NBEA: variants seen among roughly 807,000 people sequenced by gnomAD.
NBEA encodes the protein lysosomal-trafficking regulator 2.
In NBEA, 44 loss-of-function variants were observed where a neutral mutation model predicts 343.4. The observed-to-expected ratio is 0.13, with a 90% CI of 0.10 to 0.16. The LOEUF (loss-of-function observed/expected upper bound fraction) is 0.16. Ranked by LOEUF, NBEA falls within the 10% of genes least tolerant of loss-of-function variation. The pLI, the probability that NBEA is intolerant of heterozygous loss-of-function variation, is 1.00. For synonymous variants in NBEA, 1,175 were observed against 1,238.7 expected, an observed-to-expected ratio of 0.95 and a Z score of 1.08; for missense variants, 2,555 against 3,631.3, an observed-to-expected ratio of 0.70 and a Z score of 7.62.
intron 38 of NBEA, among the ~76,000 whole-genome samples, chr13:35,429,642 G>T (rs1210154747): frequency 9.2e-5 from 14 of 152,002 alleles, no homozygotes; most frequent in Admixed American, 8.5e-4. Context: ...ATTTTAATAG[G>T]TTTCTGGGGA....
At chr13:35,647,489 C>T (rs2084293259) in intron 51 of NBEA, among the ~76,000 whole-genome samples, 1 of 152,226 alleles carries the variant, frequency 6.6e-6, no homozygotes, top group African/African-American at 2.4e-5. Flanking sequence ...TGATGCTAAG[C>T]ACTGGAGATA....
intron 40 of NBEA, among the ~76,000 whole-genome samples, chr13:35,471,650 C>G (rs1387401410): frequency 6.6e-6 from 1 of 152,210 alleles, no homozygotes; most frequent in Non-Finnish European, 1.5e-5. Flanking sequence ...AGCACCCTGG[C>G]AGGCACTTCT....
intron 18 of NBEA, among the ~76,000 whole-genome samples, chr13:35,155,236 A>G (rs1018997126): frequency 2.0e-5 from 3 of 151,424 alleles, no homozygotes; most frequent in East Asian, 3.9e-4. Flanking sequence ...CTTTCCTTCT[A>G]TAGATACTGG....
rs776894755 is a variant in NBEA, at chr13:35,555,109, T to A, written c.6922+7T>A. ...TTCCTTAATACTATTGCAGGTAAGA[T>A]GTCTCATTCTTTAATCTAATAATAT... On this transcript the variant is annotated splice_region_variant and intron_variant, in intron 44 of 58. Coordinates refer to ENST00000379939, the MANE Select transcript of NBEA (RefSeq NM_001385012.1). The A allele has an allele frequency of 7.0e-7, 1 of 1,430,922 alleles. No homozygotes were observed. Among genetic ancestry groups the A allele is most frequent in the Admixed American group, 1.7e-5 (1 of 57,880 alleles). The allele number at this position is 1,430,922 out of a possible 1,614,324, so 88.6% of individuals were successfully genotyped here. A position where few individuals can be genotyped will look rare whatever the true frequency, so the allele number is the denominator to read the frequency against.
intron 1 of NBEA, among the ~76,000 whole-genome samples, chr13:34,956,751 A>G (rs547329894): frequency 1.3e-5 from 2 of 152,268 alleles, no homozygotes; most frequent in Non-Finnish European, 2.9e-5. Flanking sequence ...TAAAGTTTAC[A>G]GTTTGGTGGC....
intron 38 of NBEA, among the ~76,000 whole-genome samples, chr13:35,389,872 A>T (rs1165811047): frequency 6.6e-6 from 1 of 151,084 alleles, no homozygotes; most frequent in Non-Finnish European, 1.5e-5. Context: ...ATTCTCTCTT[A>T]GTTCCCTCAC....
chr13:35,421,893 C>A (rs1212933966), intron 38 of NBEA, among the ~76,000 whole-genome samples: 1 of 152,086 alleles, frequency 6.6e-6, no homozygotes, highest in Non-Finnish European at 1.5e-5. Context: ...TTCTGTTTTA[C>A]TTCTGCAGAT....
chr13:34,980,195 T>TTTG (rs551254092), intron 1 of NBEA, among the ~76,000 whole-genome samples: 19 of 152,098 alleles, frequency 1.2e-4, no homozygotes, highest in Admixed American at 3.9e-4. Flanking sequence ...AGCTGTTTTT[T>TTTG]TTGTTGTTGT....
intron 33 of NBEA, among the ~76,000 whole-genome samples, chr13:35,217,056 A>AT (rs1396502885): frequency 2.0e-5 from 3 of 151,934 alleles, no homozygotes; most frequent in East Asian, 1.9e-4. Context: ...TGTTACCAGC[A>AT]TTTTTTTAAG....
At chr13:34,982,214 G>A (rs969557906) in intron 1 of NBEA, among the ~76,000 whole-genome samples, 1 of 151,920 alleles carries the variant, frequency 6.6e-6, no homozygotes, top group Non-Finnish European at 1.5e-5. Context: ...CACTGCTTTA[G>A]CTCATTTTAC....
At chr13:35,263,746 A>G (rs1374108773) in intron 34 of NBEA, among the ~76,000 whole-genome samples, 4 of 152,074 alleles carry the variant, frequency 2.6e-5, no homozygotes, top group African/African-American at 9.7e-5. Flanking sequence ...AATGGAAACA[A>G]CATACCAACA....
chr13:35,471,116 G>T (rs761539198), intron 40 of NBEA, among the ~76,000 whole-genome samples: 1 of 152,198 alleles, frequency 6.6e-6, no homozygotes, highest in East Asian at 1.9e-4. Flanking sequence ...CACTGTCACA[G>T]TTTGCTCCTT....
chr13:35,268,751 G>C (rs536115429), intron 34 of NBEA, among the ~76,000 whole-genome samples: 1 of 151,850 alleles, frequency 6.6e-6, no homozygotes, highest in Admixed American at 6.6e-5. Context: ...CAAGTAAAAA[G>C]GTCCATTTTA....
At chr13:35,004,182 A>G (rs187455533) in intron 1 of NBEA, among the ~76,000 whole-genome samples, 1 of 152,104 alleles carries the variant, frequency 6.6e-6, no homozygotes, top group East Asian at 1.9e-4. Context: ...TATATTATTG[A>G]TGGGCATTTG....
chr13:35,197,096 CAT>C (rs1160448206), intron 31 of NBEA, among the ~76,000 whole-genome samples: 6 of 152,082 alleles, frequency 3.9e-5, no homozygotes, highest in Non-Finnish European at 8.8e-5. Context: ...TATTTAAAAA[CAT>C]GTGCAAGATT....
chr13:35,029,572 T>C (rs2062133639), intron 1 of NBEA, among the ~76,000 whole-genome samples: 1 of 151,586 alleles, frequency 6.6e-6, no homozygotes, highest in Non-Finnish European at 1.5e-5. Context: ...TTATCCAAAA[T>C]AACAAATTGC....
chr13:35,613,769 T>A (rs570146154), intron 48 of NBEA, among the ~76,000 whole-genome samples: 3 of 151,598 alleles, frequency 2.0e-5, no homozygotes, highest in Non-Finnish European at 4.4e-5. Context: ...CACAGGTGCA[T>A]GCCACCACAC....
At chr13:35,068,704 G>A (rs1376261147) in intron 8 of NBEA, among the ~76,000 whole-genome samples, 4 of 152,194 alleles carry the variant, frequency 2.6e-5, no homozygotes, top group East Asian at 1.9e-4. Flanking sequence ...GTCTCTACAC[G>A]CTAGTCCAGA....
At chr13:35,238,411 G>A (rs1489409650) in intron 34 of NBEA, among the ~76,000 whole-genome samples, 1 of 152,160 alleles carries the variant, frequency 6.6e-6, no homozygotes, top group African/African-American at 2.4e-5. Flanking sequence ...TATTCTCTCT[G>A]TGTATCTACT....
Sources: allele counts gnomAD v4.1 joint callset (sites outside exome capture counted in the v4.1 genomes callset), GRCh38; gene constraint gnomAD v4.1.1; transcripts MANE v1.5; gene names NCBI Gene and HGNC (gene_info 2026-07-23, HGNC 2026-07-21).